COL12A1: variants seen among roughly 807,000 people sequenced by gnomAD.
The protein encoded by COL12A1 is collagen type XII alpha 1 chain.
COL12A1 carries 114 observed loss-of-function variants against 349.7 expected under a neutral mutation model. The ratio of observed to expected loss-of-function variants is 0.33; its 90% CI spans 0.28 to 0.38. COL12A1 has a LOEUF of 0.38. Among genes scored for constraint, COL12A1 ranks in the 10% least tolerant of loss-of-function variants. The pLI is 1.00. For synonymous variants in COL12A1, 1,369 were observed against 1,329.0 expected, an observed-to-expected ratio of 1.03 and a Z score of -0.66; for missense variants, 3,284 against 3,756.9, an observed-to-expected ratio of 0.87 and a Z score of 3.29.
intron 12 of COL12A1, among the ~76,000 whole-genome samples, chr6:75,177,163 G>A (rs940139782): frequency 3.3e-5 from 5 of 152,238 alleles, no homozygotes; most frequent in African/African-American, 7.2e-5. Context: ...AAGGCCGGGC[G>A]TGGTGGCTCA....
chr6:75,200,315 G>A (rs111301975), intron 2 of COL12A1, among the ~76,000 whole-genome samples: 49 of 152,302 alleles, frequency 3.2e-4, no homozygotes, highest in Middle Eastern at 3.4e-3. Flanking sequence ...TGTGCTGCCT[G>A]TAATCCCAGC....
In COL12A1 at chr6:75,124,302, G is replaced by T; in HGVS notation, c.6677C>A (p.Pro2226His). 1 of 1,613,622 alleles carries T rather than the reference G, an allele frequency of 6.2e-7. No homozygotes were observed. Among genetic ancestry groups the T allele is most frequent in the Non-Finnish European group, 8.5e-7 (1 of 1,179,776 alleles). ...CCTGTAGGAGGTGGCTGCCCGGTGA[G>T]GTGACCATTTGACACAGAATGTATC... is the stretch of plus-strand genomic sequence containing the variant. ...GWDTFCVKWSPHRAATSYRLK... is the reference protein window; with the variant it reads ...GWDTFCVKWSHHRAATSYRLK... The change falls in exon 41 of 66, where the codon CCT becomes CAT. Residue 2226 changes from proline to histidine, a missense_variant. Coordinates refer to ENST00000322507, the MANE Select transcript of COL12A1 (RefSeq NM_004370.6).
At chr6:75,169,524 CT>C (rs1339155832) in intron 13 of COL12A1, among the ~76,000 whole-genome samples, 1 of 152,230 alleles carries the variant, frequency 6.6e-6, no homozygotes, top group Non-Finnish European at 1.5e-5. Context: ...CAGAGGCTCC[CT>C]CCCTTCTGAG....
intron 14 of COL12A1, among the ~76,000 whole-genome samples, chr6:75,157,170 T>C (rs1767806540): frequency 6.6e-6 from 1 of 152,158 alleles, no homozygotes; most frequent in African/African-American, 2.4e-5. Flanking sequence ...TTCCGTTTAC[T>C]AATATTTCAC....
Position 75,116,030 on chromosome 6 carries a change from T to C in COL12A1, c.7547A>G (p.Tyr2516Cys). ...SSCPLIYLDG[Y>C]TSPGFKMLEA... Reference sequence around the variant, plus strand: ...GTATAAATGCTTACCTGGTGAGGTGTAGCCATCCAAATAAATGAGAGGACA... The same window carrying C: ...GTATAAATGCTTACCTGGTGAGGTGCAGCCATCCAAATAAATGAGAGGACA... The change falls in exon 48 of 66, where the codon TAC becomes TGC. Residue 2516 changes from tyrosine (Y) to cysteine (C), a missense_variant. Tyr to Cys is a radical substitution (Grantham distance 194). Coordinates refer to ENST00000322507, the MANE Select transcript of COL12A1 (RefSeq NM_004370.6). 1 of 1,613,456 alleles carries C rather than the reference T, an allele frequency of 6.2e-7. No individual in the cohort carries two copies. Among genetic ancestry groups the C allele is most frequent in the Non-Finnish European group, 8.5e-7 (1 of 1,179,590 alleles).
Position 75,189,695 on chromosome 6 carries a change from A to G in COL12A1, c.515T>C (p.Ile172Thr), listed in dbSNP as rs780886772. Residue 172 changes from isoleucine (I) to threonine (T), a missense_variant, in exon 6 of 66, where the codon ATT (isoleucine) becomes ACT (threonine). Physicochemically the swap from Ile to Thr is moderately conservative, Grantham distance 89. Transcript: ENST00000322507. ...FIAALVSAFD[I>T]GEEKTRVGVV... ...TCCAACTCTTGTCTTCTCTTCCCCAATGTCAAAAGCAGACACAAGAGCAGC... is the reference window on the plus strand; with the variant it reads ...TCCAACTCTTGTCTTCTCTTCCCCAGTGTCAAAAGCAGACACAAGAGCAGC... 2.6e-5 allele frequency: 42 copies of G among 1,613,444 alleles called. No homozygotes were observed. The South Asian group carries it at 4.2e-4, about 16-fold the overall frequency.
At position 75,147,747 on chromosome 6, in the gene COL12A1, C is replaced by G. The variant is rs1208706222; in HGVS notation, c.4345G>C (p.Glu1449Gln). The G allele has an allele frequency of 6.2e-7, 1 of 1,613,562 alleles. No homozygotes were observed. The highest frequency in any genetic ancestry group is 8.5e-7 in the Non-Finnish European group (1 of 1,179,632). ...ACAGAATACACATTGACAACATATTCAGTTTCAGGTTTCAGATCTTTCAGC... is the reference window on the plus strand; with the variant it reads ...ACAGAATACACATTGACAACATATTGAGTTTCAGGTTTCAGATCTTTCAGC... Reference protein sequence around the residue: ...TVLKDLKPETEYVVNVYSVVE... With the variant: ...TVLKDLKPETQYVVNVYSVVE... The change falls in exon 23 of 66, where the codon GAA becomes CAA. Residue 1449 changes from glutamate to glutamine, a missense_variant. Physicochemically the swap from Glu to Gln is conservative, Grantham distance 29. This residue lies in a region of COL12A1 where 2,601 missense variants were observed against 2,824.8 expected (regional missense o/e 0.92). Transcript: ENST00000322507.
rs774968316 is a variant in COL12A1 at position 75,165,472 on chromosome 6, G to C, written c.2983+35C>G. On this transcript the variant is annotated intron_variant, in intron 14 of 65. Coordinates refer to ENST00000322507, the MANE Select transcript of COL12A1 (RefSeq NM_004370.6). ...GAGCTGATAACTATTGGGTAGCACC[G>C]GCACACACCCAAACACACCCATAAT... The C allele has an allele frequency of 5.6e-6, 9 of 1,600,732 alleles. No homozygotes were observed. The East Asian group carries it at 1.8e-4, about 32-fold the overall frequency.
intron 58 of COL12A1, 38 bp from the exon 59 acceptor site, chr6:75,097,344 C>A: frequency 6.4e-7 from 1 of 1,560,490 alleles, no homozygotes; most frequent in South Asian, 1.1e-5. Context: ...TTAGGGAGGT[C>A]ATAAGCAAGT....
intron 13 of COL12A1, among the ~76,000 whole-genome samples, chr6:75,172,154 C>A (rs1187009150): frequency 6.6e-6 from 1 of 152,182 alleles, no homozygotes; most frequent in Non-Finnish European, 1.5e-5. Flanking sequence ...TATACTCACA[C>A]ATGCGTACAA....
intron 32 of COL12A1, 85 bp from the exon 33 acceptor site, chr6:75,134,082 C>A: frequency 6.9e-7 from 1 of 1,441,268 alleles, no homozygotes; most frequent in Non-Finnish European, 9.4e-7. Flanking sequence ...CTCCCAGGCA[C>A]CCTAGAACAT....
intron 59 of COL12A1, among the ~76,000 whole-genome samples, chr6:75,096,075 A>G (rs755364719): frequency 6.6e-6 from 1 of 152,128 alleles, no homozygotes; most frequent in East Asian, 1.9e-4. Flanking sequence ...CACCAAAATC[A>G]TAAGATTTTC....
chr6:75,172,132 C>G (rs546892272), intron 13 of COL12A1, among the ~76,000 whole-genome samples: 1 of 152,188 alleles, frequency 6.6e-6, no homozygotes, highest in African/African-American at 2.4e-5. Flanking sequence ...ATCAAAGACA[C>G]GTGCGTGTGT....
At chr6:75,193,359 C>T (rs1162090918) in intron 3 of COL12A1, among the ~76,000 whole-genome samples, 1 of 152,040 alleles carries the variant, frequency 6.6e-6, no homozygotes, top group Admixed American at 6.6e-5. Flanking sequence ...AAATTTTTTA[C>T]CCCTTTTTAA....
chr6:75,151,758 G>T, intron 20 of COL12A1, 109 bp downstream of exon 20: 2 of 1,191,340 alleles, frequency 1.7e-6, no homozygotes, highest in South Asian at 1.6e-5. Context: ...TTATGTGATA[G>T]AAAAAAATGG....
In COL12A1 at chr6:75,103,583, C is replaced by T. The variant is rs189816046; in HGVS notation, c.8319+174G>A. On this transcript the variant is annotated intron_variant, in intron 55 of 65. Coordinates refer to ENST00000322507, the MANE Select transcript of COL12A1 (RefSeq NM_004370.6). ...GCATCCTATGCATTTCTTTCTCTGG[C>T]TAGTCTAATCCATCATTATGACATC... is the stretch of plus-strand genomic sequence containing the variant. Among the ~76,000 whole-genome samples, 3 of 152,284 alleles carry T rather than the reference C, an allele frequency of 2.0e-5. 1 individual carries two copies. Among genetic ancestry groups the T allele is most frequent in the Admixed American group, 1.3e-4 (2 of 15,290 alleles).
chr6:75,100,287 G>A lies in COL12A1; in HGVS notation c.8523+1313C>T, dbSNP rs538989000. ...GATAGTCCTGCTGGGAAGTGTGCTAGGGAACCCGCTGTGTGTCTGCATGAA... is the reference window on the plus strand; with the variant it reads ...GATAGTCCTGCTGGGAAGTGTGCTAAGGAACCCGCTGTGTGTCTGCATGAA... On this transcript the variant is annotated intron_variant, in intron 58 of 65. Coordinates refer to ENST00000322507, the MANE Select transcript of COL12A1 (RefSeq NM_004370.6). Among the ~76,000 whole-genome samples the A allele has an allele frequency of 7.6e-4, 115 of 152,242 alleles. 1 individual carries two copies. Among genetic ancestry groups the A allele is most frequent in the African/African-American group, 2.7e-3 (113 of 41,554 alleles).
chr6:75,149,595 G>T (rs1012727412), intron 21 of COL12A1, among the ~76,000 whole-genome samples: 3 of 152,022 alleles, frequency 2.0e-5, no homozygotes, highest in Non-Finnish European at 4.4e-5. Flanking sequence ...ATGTCTAACA[G>T]GAAAATGGCC....
chr6:75,192,091 G>GA (rs1195881187), intron 4 of COL12A1, 121 bp downstream of exon 4: 2 of 747,638 alleles, frequency 2.7e-6, no homozygotes, highest in Non-Finnish European at 2.0e-6. Flanking sequence ...TAGGATACCA[G>GA]AAAAAAATAG....
Sources: allele counts gnomAD v4.1 joint callset (sites outside exome capture counted in the v4.1 genomes callset), GRCh38; gene constraint gnomAD v4.1.1; regional missense constraint gnomAD v4.1.1; transcripts MANE v1.5; gene names NCBI Gene and HGNC (gene_info 2026-07-23, HGNC 2026-07-21).